Variants in SULF2 observed in about 807,000 individuals in gnomAD.
SULF2 encodes sulfatase 2.
Under a neutral mutation model 107.7 loss-of-function variants are expected in SULF2, and 52 were observed. The ratio of observed to expected loss-of-function variants is 0.48; its 90% CI spans 0.39 to 0.61. The LOEUF is 0.61. Ranked by LOEUF, SULF2 falls within the 20% of genes least tolerant of loss-of-function variation. The pLI is 0.00. For missense variants in SULF2, 993 were observed against 1,177.3 expected (o/e 0.84, Z 2.29); for synonymous variants, 460 against 464.3 (o/e 0.99, Z 0.12).
chr20:47,713,545 C>A (rs564008146), intron 3 of SULF2, among the ~76,000 whole-genome samples: 5 of 152,154 alleles, frequency 3.3e-5, no homozygotes, highest in Admixed American at 6.5e-5. Flanking sequence ...TCAGTGAATT[C>A]TTCTATAAAA....
chr20:47,689,037 T>C (rs745780840), intron 5 of SULF2, among the ~76,000 whole-genome samples: 3 of 152,094 alleles, frequency 2.0e-5, no homozygotes, highest in Non-Finnish European at 4.4e-5. Flanking sequence ...GCCAGCTGGA[T>C]AGAGTACTAC....
chr20:47,737,005 G>T, intron 2 of SULF2, 63 bp from the exon 3 acceptor site: 2 of 1,604,048 alleles, frequency 1.2e-6, no homozygotes, highest in Non-Finnish European at 1.7e-6. Flanking sequence ...GGCACCAGGG[G>T]GCTCTCAGCA....
At chr20:47,734,722 A>G (rs1467642031) in intron 3 of SULF2, among the ~76,000 whole-genome samples, 2 of 152,218 alleles carry the variant, frequency 1.3e-5, no homozygotes, top group Non-Finnish European at 2.9e-5. Context: ...GGCATTCTAA[A>G]TATAATGAAT....
At chr20:47,676,458 A>C in intron 10 of SULF2, 36 bp downstream of exon 10, 2 of 1,596,472 alleles carry the variant, frequency 1.3e-6, no homozygotes, top group Non-Finnish European at 1.7e-6. Flanking sequence ...TGCAGTCAGG[A>C]GGGGGAGCCG....
chr20:47,665,496 AGCCCTTGCAAGGG>A (rs2087232326), intron 13 of SULF2, among the ~76,000 whole-genome samples: 2 of 152,204 alleles, frequency 1.3e-5, no homozygotes, highest in Non-Finnish European at 2.9e-5. Flanking sequence ...TCCTCCAGCC[AGCCCTTGCAAGGG>A]AACCGAGTCA....
chr20:47,736,051 G>C (rs753480624), intron 3 of SULF2, among the ~76,000 whole-genome samples: 1 of 152,170 alleles, frequency 6.6e-6, no homozygotes, highest in Non-Finnish European at 1.5e-5. Context: ...GGAGGGTTTT[G>C]CAATGGCGCT....
At chr20:47,684,639 G>A in intron 5 of SULF2, 58 bp from the exon 6 acceptor site, 1 of 1,571,886 alleles carries the variant, frequency 6.4e-7, no homozygotes, top group Non-Finnish European at 8.7e-7. Context: ...ACCCTGCCTG[G>A]CCCCCGCCAG....
At chr20:47,721,385 T>A (rs796801662) in intron 3 of SULF2, among the ~76,000 whole-genome samples, 22 of 144,224 alleles carry the variant, frequency 1.5e-4, no homozygotes, top group African/African-American at 5.1e-4. Flanking sequence ...TTTTTTTTTT[T>A]ATGAGACAGA....
At chr20:47,711,485 G>A (rs1235226571) in intron 3 of SULF2, among the ~76,000 whole-genome samples, 1 of 152,188 alleles carries the variant, frequency 6.6e-6, no homozygotes, top group African/African-American at 2.4e-5. Flanking sequence ...GAAAGCACCC[G>A]CTGCTTTCGG....
chr20:47,731,185 C>CTTTTTTTTTT (rs199660759), intron 3 of SULF2, among the ~76,000 whole-genome samples: 6 of 93,328 alleles, frequency 6.4e-5, no homozygotes, highest in African/African-American at 1.7e-4. Context: ...CCTGTATCTT[C>CTTTTTTTTTT]TCTTTTTTTT....
intron 1 of SULF2, among the ~76,000 whole-genome samples, chr20:47,759,822 ACT>A (rs1347472589): frequency 6.6e-6 from 1 of 152,176 alleles, no homozygotes; most frequent in Non-Finnish European, 1.5e-5. Context: ...CAACCCAGGC[ACT>A]CTGCATTTTA....
intron 2 of SULF2, among the ~76,000 whole-genome samples, chr20:47,744,190 T>C (rs1405012199): frequency 1.3e-5 from 2 of 152,106 alleles, no homozygotes; most frequent in South Asian, 2.1e-4. Flanking sequence ...TGTAATTTTA[T>C]TGATTGTTTT....
At chr20:47,785,587 T>C (rs2090917537), upstream of SULF2, 1 of 140,288 alleles carries the variant, frequency 7.1e-6, no homozygotes, top group African/African-American at 2.6e-5. Flanking sequence ...CCAGCCAAAG[T>C]CCGGCTCCGC....
chr20:47,680,672 G>A lies in SULF2; in HGVS notation c.1065-1868C>T, dbSNP rs1167378701. ...GCTGAAGATGGGGCTGTGTCATGGGGGGCTCGAAGGCCAGCGTGAGGCGCT... is the reference window on the plus strand; with the variant it reads ...GCTGAAGATGGGGCTGTGTCATGGGAGGCTCGAAGGCCAGCGTGAGGCGCT... On this transcript the variant is annotated intron_variant, in intron 7 of 20. Coordinates refer to ENST00000688720, the MANE Select transcript of SULF2 (RefSeq NM_001387048.1). The surrounding 1 kb of genome is among the most constrained non-coding windows in gnomAD (Gnocchi z 4.2). 1.3e-5 allele frequency among the ~76,000 whole-genome samples: 2 copies of A among 152,240 alleles called. No individual in the cohort carries two copies. The highest frequency in any genetic ancestry group is 2.9e-5 in the Non-Finnish European group (2 of 68,048).
intron 4 of SULF2, among the ~76,000 whole-genome samples, chr20:47,700,047 TG>T (rs2088510415): frequency 6.6e-6 from 1 of 152,176 alleles, no homozygotes; most frequent in African/African-American, 2.4e-5. Context: ...GCAGCTGGTC[TG>T]GGGAAAGAAT....
intron 1 of SULF2, among the ~76,000 whole-genome samples, chr20:47,770,443 T>A (rs113921043): frequency 2.0e-5 from 3 of 152,188 alleles, no homozygotes; most frequent in African/African-American, 7.2e-5. Flanking sequence ...GGGAGGCCAC[T>A]GAGATGACTA....
intron 1 of SULF2, among the ~76,000 whole-genome samples, chr20:47,762,757 G>T (rs896993318): frequency 3.9e-5 from 6 of 152,226 alleles, no homozygotes; most frequent in African/African-American, 1.2e-4. Flanking sequence ...TAAAGATGGA[G>T]CCCGGGGCAC....
At chr20:47,728,741 G>C (rs1039673056) in intron 3 of SULF2, among the ~76,000 whole-genome samples, 1 of 152,060 alleles carries the variant, frequency 6.6e-6, no homozygotes, top group Non-Finnish European at 1.5e-5. Context: ...CACCTCCCTG[G>C]TTCCAGTGGT....
At chr20:47,782,825 C>T (rs1446320735) in intron 1 of SULF2, among the ~76,000 whole-genome samples, 4 of 152,170 alleles carry the variant, frequency 2.6e-5, no homozygotes, top group Non-Finnish European at 4.4e-5. Flanking sequence ...GACTCTCTGT[C>T]GGAACAGTGG....
Sources: gnomAD v4.1 joint callset for allele counts (sites outside exome capture counted in the v4.1 genomes callset) on GRCh38, gnomAD v4.1.1 for gene constraint, Gnocchi (gnomAD v3.1) non-coding constraint, MANE v1.5 for transcripts, NCBI Gene and HGNC (gene_info 2026-07-23, HGNC 2026-07-21) for gene names.